Variants in EVC2 observed in about 807,000 individuals in gnomAD.
The protein encoded by EVC2 is limbin.
EVC2 carries 148 observed loss-of-function variants against 149.3 expected under a neutral mutation model. The ratio of observed to expected loss-of-function variants is 0.99; its 90% CI spans 0.87 to 1.14. The LOEUF is 1.14. Among genes scored for constraint, EVC2 ranks in the 50% most tolerant of loss-of-function variants. The pLI is 0.00. For missense variants in EVC2, 1,854 were observed against 1,627.3 expected (o/e 1.14, Z -2.40); for synonymous variants, 776 against 649.9 (o/e 1.19, Z -2.95).
At chr4:5,554,513 G>C (rs1721797066) in intron 21 of EVC2, among the ~76,000 whole-genome samples, 1 of 152,190 alleles carries the variant, frequency 6.6e-6, no homozygotes, top group African/African-American at 2.4e-5. Flanking sequence ...AGATCCCCTA[G>C]TGGCTCTGGG....
At chr4:5,664,464 C>T (rs1719119287) in intron 8 of EVC2, among the ~76,000 whole-genome samples, 1 of 152,206 alleles carries the variant, frequency 6.6e-6, no homozygotes, top group South Asian at 2.1e-4. Flanking sequence ...AAAATGAATC[C>T]TGCTCCGACA....
Position 5,563,009 on chromosome 4 carries a change from G to A in EVC2, c.3766C>T (p.Pro1256Ser), listed in dbSNP as rs756870560. Residue 1256 changes from proline (P) to serine (S), a missense_variant, in exon 22 of 22, where the codon CCC becomes TCC. Transcript: ENST00000344408. Reference sequence around the variant, plus strand: ...TCAATGGTTTCTGCCCCTACAATGGGTACAGGGGCCAGTTCGCCAATGGGC... The same window carrying A: ...TCAATGGTTTCTGCCCCTACAATGGATACAGGGGCCAGTTCGCCAATGGGC... ...LEPIGELAPVPIVGAETIDLL... is the reference protein window; with the variant it reads ...LEPIGELAPVSIVGAETIDLL... 4.3e-6 allele frequency: 7 copies of A among 1,614,196 alleles called. No homozygotes were observed. In the South Asian group the frequency reaches 5.5e-5, roughly 13 times the overall value.
At position 5,694,453 on chromosome 4, in the gene EVC2, A is replaced by G; in HGVS notation, c.332T>C (p.Ile111Thr). Residue 111 changes from isoleucine to threonine, a missense_variant, in exon 3 of 22, where the codon ATC becomes ACC. Ile to Thr is a moderately conservative substitution (Grantham distance 89). Transcript: ENST00000344408. The stretch of plus-strand genomic sequence containing the variant: ...AGAGGCTGCAGAAGTTGAGAGTGGG[A>G]TGAAGACTTCCATTTTCTTGTCCAA... ...MKLDKKMEVFIPLSTSAASSG... is the reference protein window; with the variant it reads ...MKLDKKMEVFTPLSTSAASSG... The G allele has an allele frequency of 6.2e-7, 1 of 1,614,228 alleles. No individual in the cohort carries two copies. Among genetic ancestry groups the G allele is most frequent in the South Asian group, 1.1e-5 (1 of 91,086 alleles).
chr4:5,617,901 T>A (rs1054408894), intron 15 of EVC2, among the ~76,000 whole-genome samples: 11 of 152,136 alleles, frequency 7.2e-5, no homozygotes, highest in Middle Eastern at 3.2e-3. Flanking sequence ...AAGGCTGTGG[T>A]CTCAGGTAAA....
intron 13 of EVC2, among the ~76,000 whole-genome samples, chr4:5,623,326 TTTTA>T (rs1715865020): frequency 1.3e-5 from 2 of 151,078 alleles, no homozygotes; most frequent in South Asian, 4.1e-4. Flanking sequence ...AACTAATTTA[TTTTA>T]TTTATTTATT....
chr4:5,691,553 T>C (rs1721122373), intron 3 of EVC2, among the ~76,000 whole-genome samples: 1 of 152,238 alleles, frequency 6.6e-6, no homozygotes, highest in South Asian at 2.1e-4. Flanking sequence ...CCACAGTGTA[T>C]TCCTGGTCTG....
intron 7 of EVC2, among the ~76,000 whole-genome samples, chr4:5,673,751 C>T (rs1445236291): frequency 6.6e-6 from 1 of 152,172 alleles, no homozygotes; most frequent in Non-Finnish European, 1.5e-5. Context: ...AATCCAACAC[C>T]AAGTTACAAA....
At chr4:5,708,142 T>C in intron 1 of EVC2, 144 bp downstream of exon 1, 1 of 693,668 alleles carries the variant, frequency 1.4e-6, no homozygotes, top group Non-Finnish European at 2.2e-6. Context: ...GGGATACACC[T>C]AAGGGCCGCG....
chr4:5,562,601 C>T lies in EVC2; in HGVS notation c.*247G>A. ...GCAGGGTGGGGGTCTCCTCCAGGGC[C>T]CTGGGGAGGTGGGGCTGAAAGAAGG... On this transcript the variant is annotated 3_prime_UTR_variant, in exon 22 of 22. Transcript: ENST00000344408. The surrounding 1 kb of genome is among the most constrained non-coding windows in gnomAD (Gnocchi z 4.3). The T allele has an allele frequency of 7.2e-7, 1 of 1,385,282 alleles. No individual in the cohort carries two copies. The highest frequency in any genetic ancestry group is 9.3e-7 in the Non-Finnish European group (1 of 1,069,598). The allele number at this position is 1,385,282 out of a possible 1,614,324, so 85.8% of individuals were successfully genotyped here. A position where few individuals can be genotyped will look rare whatever the true frequency, so the allele number is the denominator to read the frequency against.
chr4:5,548,239 T>A (rs1721658459), intron 21 of EVC2, among the ~76,000 whole-genome samples: 3 of 151,844 alleles, frequency 2.0e-5, no homozygotes. Flanking sequence ...AAGCAAAACT[T>A]GGGCAAAGGT....
Position 5,613,259 on chromosome 4 carries a change from A to C in EVC2, c.2829+2163T>G, listed in dbSNP as rs1714991285. Among the ~76,000 whole-genome samples, 1 of 152,232 alleles carries C rather than the reference A, an allele frequency of 6.6e-6. No individual in the cohort carries two copies. Among genetic ancestry groups the C allele is most frequent in the Non-Finnish European group, 1.5e-5 (1 of 68,018 alleles). On this transcript the variant is annotated intron_variant, in intron 16 of 21. Transcript: ENST00000344408. The surrounding 1 kb of genome is among the most constrained non-coding windows in gnomAD (Gnocchi z 4.6). ...TAAGGCAGCCTTGTCACAGGGCTTC[A>C]ACCCTCTGGGTTCCCTCTGTGCACT...
downstream of EVC2, among the ~76,000 whole-genome samples, chr4:5,539,211 T>C (rs1721470048): frequency 6.6e-6 from 1 of 152,214 alleles, no homozygotes; most frequent in South Asian, 2.1e-4. Context: ...AGTATTCCAA[T>C]ACTTAATATT....
Position 5,569,791 on chromosome 4 carries a change from G to A in EVC2, c.3361-1151C>T, listed in dbSNP as rs77060619. ...GACCCCTTGGAAACATGGGGTCGCTGTGACCTTGGTAAGTGCTTTCAGTGA... is the reference window on the plus strand; with the variant it reads ...GACCCCTTGGAAACATGGGGTCGCTATGACCTTGGTAAGTGCTTTCAGTGA... On this transcript the variant is annotated intron_variant, in intron 19 of 21. Transcript: ENST00000344408. This position sits in a 1 kb window ranked among gnomAD's most constrained non-coding sequence, Gnocchi z 4.8. Among the ~76,000 whole-genome samples the A allele has an allele frequency of 0.028, 4,298 of 152,038 alleles. 176 individuals carry two copies. The highest frequency in any genetic ancestry group is 0.095 in the African/African-American group (3,952 of 41,438).
intron 3 of EVC2, among the ~76,000 whole-genome samples, chr4:5,693,835 C>T (rs1373918958): frequency 6.6e-6 from 1 of 152,204 alleles, no homozygotes; most frequent in Non-Finnish European, 1.5e-5. Context: ...GCCACTTCTA[C>T]CTGTGGGACA....
At chr4:5,630,990 G>C (rs932070102) in intron 11 of EVC2, among the ~76,000 whole-genome samples, 4 of 152,216 alleles carry the variant, frequency 2.6e-5, no homozygotes, top group African/African-American at 7.2e-5. Flanking sequence ...CACTGTGTGT[G>C]CCTGTGTGTG....
chr4:5,533,125 A>G, the EVC2 span, among the ~76,000 whole-genome samples: 1 of 151,746 alleles, frequency 6.6e-6, no homozygotes, highest in Non-Finnish European at 1.5e-5. Flanking sequence ...ACCAGCAAAT[A>G]AGCAAATGAC....
intron 19 of EVC2, among the ~76,000 whole-genome samples, chr4:5,571,480 T>C (rs1471870349): frequency 6.6e-6 from 1 of 151,708 alleles, no homozygotes; most frequent in African/African-American, 2.4e-5. Context: ...AAATGGAACA[T>C]AAAGCAACAC....
intron 16 of EVC2, among the ~76,000 whole-genome samples, chr4:5,610,590 G>T (rs971963215): frequency 2.0e-5 from 3 of 152,030 alleles, no homozygotes; most frequent in African/African-American, 7.2e-5. Flanking sequence ...GTAAACCATA[G>T]ACATGAGCTC....
chr4:5,586,402 C>T (rs1273583993), intron 16 of EVC2, among the ~76,000 whole-genome samples: 1 of 152,144 alleles, frequency 6.6e-6, no homozygotes, highest in South Asian at 2.1e-4. Context: ...AAATAAAATT[C>T]TAAGCCCCCC....
Sources: allele counts gnomAD v4.1 joint callset (sites outside exome capture counted in the v4.1 genomes callset), GRCh38; gene constraint gnomAD v4.1.1; non-coding constraint Gnocchi (gnomAD v3.1); transcripts MANE v1.5; gene names NCBI Gene and HGNC (gene_info 2026-07-23, HGNC 2026-07-21).